EYS: variants seen among roughly 807,000 people sequenced by gnomAD.
The protein encoded by EYS is EGF-like photoreceptor maintenance factor, also known as protein eyes shut homolog.
In EYS, 250 loss-of-function variants were observed where a neutral mutation model predicts 282.1. The ratio of observed to expected loss-of-function variants is 0.89; its 90% confidence interval spans 0.80 to 0.98. The LOEUF (loss-of-function observed/expected upper bound fraction) is 0.98, where lower values mean the gene tolerates loss of function less well. Ranked by LOEUF, EYS falls within the 50% of genes least tolerant of loss-of-function variation. The probability of loss-of-function intolerance (pLI) is 0.00; values close to 1 mark genes in which losing one functional copy is unlikely to be tolerated. For synonymous variants in EYS, 1,355 were observed against 1,282.9 expected, an observed-to-expected ratio of 1.06 and a Z score of -1.20; for missense variants, 4,016 against 3,709.0, an observed-to-expected ratio of 1.08 and a Z score of -2.15.
intron 22 of EYS, among the ~76,000 whole-genome samples, chr6:64,678,879 C>T (rs890526308): frequency 8.7e-5 from 13 of 149,398 alleles, no homozygotes; most frequent in Admixed American, 2.0e-4. Flanking sequence ...CCCAGCTGCT[C>T]GGGAGGCTGA....
At chr6:63,963,443 G>A (rs909116603) in intron 35 of EYS, among the ~76,000 whole-genome samples, 25 of 152,304 alleles carry the variant, frequency 1.6e-4, no homozygotes, top group Admixed American at 1.6e-3. Flanking sequence ...AGAAATGTGA[G>A]AAGTAGCTCT....
At chr6:64,115,342 C>A (rs1231186173) in intron 31 of EYS, among the ~76,000 whole-genome samples, 1 of 152,168 alleles carries the variant, frequency 6.6e-6, no homozygotes, top group Non-Finnish European at 1.5e-5. Flanking sequence ...CAAATCCCAA[C>A]TCTGTGCTCA....
intron 22 of EYS, among the ~76,000 whole-genome samples, chr6:64,727,678 C>T (rs1335016719): frequency 6.6e-6 from 1 of 151,978 alleles, no homozygotes; most frequent in Non-Finnish European, 1.5e-5. Context: ...CAAAGAAACC[C>T]TAATTAATTA....
At chr6:65,253,867 T>C (rs1166735446) in intron 12 of EYS, among the ~76,000 whole-genome samples, 2 of 151,694 alleles carry the variant, frequency 1.3e-5, no homozygotes, top group African/African-American at 4.8e-5. Context: ...ATATCCTATC[T>C]TTTTCTGATT....
Position 64,492,373 on chromosome 6 carries a change from T to C in EYS, c.5645-53021A>G, listed in dbSNP as rs775567140. Among the ~76,000 whole-genome samples, 6 of 151,268 alleles carry C rather than the reference T, an allele frequency of 4.0e-5. No homozygotes were observed. The South Asian group carries it at 6.2e-4, about 16-fold the overall frequency. ...CATTTTTAAGAACGTGTTGTATGTC[T>C]AAAACTATGCTAGGCAATTTTGACA... On this transcript the variant is annotated intron_variant, in intron 26 of 42. Coordinates refer to ENST00000503581, the MANE Select transcript of EYS (RefSeq NM_001142800.2).
intron 5 of EYS, among the ~76,000 whole-genome samples, chr6:65,433,674 C>A (rs762923747): frequency 4.6e-5 from 7 of 152,052 alleles, no homozygotes; most frequent in Non-Finnish European, 1.0e-4. Flanking sequence ...AGAAATATTT[C>A]GGGAGTTGTT....
At chr6:64,321,209 T>C (rs894178478) in intron 29 of EYS, among the ~76,000 whole-genome samples, 2 of 151,794 alleles carry the variant, frequency 1.3e-5, no homozygotes, top group African/African-American at 4.8e-5. Context: ...TATGAACACT[T>C]ATTAATTTTA....
At chr6:64,846,737 A>T (rs576472726) in intron 19 of EYS, among the ~76,000 whole-genome samples, 4 of 152,262 alleles carry the variant, frequency 2.6e-5, no homozygotes, top group African/African-American at 9.6e-5. Flanking sequence ...AATACATTAT[A>T]TTAAGAATTG....
At chr6:64,357,912 G>A (rs748510475) in intron 29 of EYS, among the ~76,000 whole-genome samples, 1 of 151,560 alleles carries the variant, frequency 6.6e-6, no homozygotes, top group Non-Finnish European at 1.5e-5. Flanking sequence ...CCTAGCCAAG[G>A]AAGAGTATTT....
chr6:65,152,001 T>G (rs1186060771), intron 12 of EYS, among the ~76,000 whole-genome samples: 1 of 151,976 alleles, frequency 6.6e-6, no homozygotes, highest in East Asian at 1.9e-4. Context: ...GAGATCAATG[T>G]TAGTGAAAAT....
At chr6:64,207,654 G>A (rs1765649489) in intron 31 of EYS, among the ~76,000 whole-genome samples, 1 of 147,428 alleles carries the variant, frequency 6.8e-6, no homozygotes, top group South Asian at 2.2e-4. Context: ...TTCTTCATAT[G>A]TGAGGTTTAT....
chr6:63,843,402 T>C (rs1772015633), intron 36 of EYS, among the ~76,000 whole-genome samples: 1 of 152,092 alleles, frequency 6.6e-6, no homozygotes, highest in Non-Finnish European at 1.5e-5. Flanking sequence ...ATTTGGCTGT[T>C]TGTCTATTAT....
At chr6:65,625,649 GAATA>G (rs754948286) in intron 2 of EYS, among the ~76,000 whole-genome samples, 1 of 152,098 alleles carries the variant, frequency 6.6e-6, no homozygotes, top group East Asian at 1.9e-4. Context: ...TATGTTTACT[GAATA>G]AATGAAATTT....
At chr6:64,319,712 C>CGGAT (rs1561927643) in intron 29 of EYS, among the ~76,000 whole-genome samples, 2 of 42,446 alleles carry the variant, frequency 4.7e-5, no homozygotes, top group Non-Finnish European at 1.0e-4. Flanking sequence ...GATGGATGGA[C>CGGAT]GGATGGATGG....
intron 22 of EYS, among the ~76,000 whole-genome samples, chr6:64,792,932 T>C (rs1485035359): frequency 6.6e-6 from 1 of 151,382 alleles, no homozygotes. Context: ...TTGTTATGGC[T>C]GATTTTTTAG....
chr6:63,930,409 T>C (rs191840955), intron 35 of EYS, among the ~76,000 whole-genome samples: 18 of 152,058 alleles, frequency 1.2e-4, no homozygotes, highest in Admixed American at 3.3e-4. Context: ...CCAATAAGTG[T>C]TTATAGCATC....
intron 29 of EYS, among the ~76,000 whole-genome samples, chr6:64,343,251 A>G (rs1032760919): frequency 6.6e-6 from 1 of 152,014 alleles, no homozygotes; most frequent in African/African-American, 2.4e-5. Context: ...AACAGAATAT[A>G]CATTTTTTTT....
At chr6:65,352,615 G>T (rs1291096321) in intron 9 of EYS, among the ~76,000 whole-genome samples, 2 of 151,848 alleles carry the variant, frequency 1.3e-5, no homozygotes, top group African/African-American at 4.8e-5. Flanking sequence ...TTCATCACTT[G>T]CTATTTCCAA....
chr6:64,443,208 G>T (rs898247165), intron 26 of EYS, among the ~76,000 whole-genome samples: 1 of 152,170 alleles, frequency 6.6e-6, no homozygotes, highest in Non-Finnish European at 1.5e-5. Flanking sequence ...AAATTTGACT[G>T]CCCTGCTGGA....
Sources: gnomAD v4.1 joint callset for allele counts (sites outside exome capture counted in the v4.1 genomes callset) on GRCh38, gnomAD v4.1.1 for gene constraint, MANE v1.5 for transcripts, NCBI Gene and HGNC (gene_info 2026-07-23, HGNC 2026-07-21) for gene names.